The following CACNA1E variants were observed in gnomAD, a reference collection of about 807,000 sequenced individuals.
CACNA1E encodes the protein voltage-dependent R-type calcium channel subunit alpha-1E.
A neutral mutation model predicts 259.2 loss-of-function variants in CACNA1E; 40 were observed. The ratio of observed to expected loss-of-function variants is 0.15; its 90% CI spans 0.12 to 0.20. The LOEUF (loss-of-function observed/expected upper bound fraction) is 0.20, where lower values mean the gene tolerates loss of function less well. CACNA1E is among the 10% of genes least tolerant of loss of function. CACNA1E has a pLI of 1.00. For missense variants in CACNA1E, 1,874 were observed against 3,040.1 expected (o/e 0.62, Z 9.02); for synonymous variants, 1,104 against 1,138.5 (o/e 0.97, Z 0.61).
intron 1 of CACNA1E, among the ~76,000 whole-genome samples, chr1:181,349,535 C>A (rs1652868557): frequency 6.6e-6 from 1 of 152,202 alleles, no homozygotes; most frequent in Admixed American, 6.5e-5. Context: ...AGACCTTGAA[C>A]TGAAGCCCGA....
chr1:181,788,675 G>A (rs930781805), intron 43 of CACNA1E, among the ~76,000 whole-genome samples: 11 of 152,194 alleles, frequency 7.2e-5, no homozygotes, highest in Admixed American at 4.6e-4. Flanking sequence ...GGCTAGTGAC[G>A]TAGGGACCAG....
intron 3 of CACNA1E, among the ~76,000 whole-genome samples, chr1:181,550,962 T>G (rs1485398071): frequency 6.6e-6 from 1 of 152,090 alleles, no homozygotes; most frequent in Non-Finnish European, 1.5e-5. Flanking sequence ...TATTACATCC[T>G]TACGCTGTAT....
chr1:181,743,944 G>A (rs1489589330), intron 25 of CACNA1E, among the ~76,000 whole-genome samples: 2 of 152,216 alleles, frequency 1.3e-5, no homozygotes, highest in Non-Finnish European at 2.9e-5. Context: ...AGTTACACAG[G>A]CTCTCTGGCG....
In CACNA1E at chr1:181,428,181, C is replaced by T. The variant is rs559177439; in HGVS notation, c.434+14601C>T. Among the ~76,000 whole-genome samples, 74 of 152,330 alleles carry T rather than the reference C, an allele frequency of 4.9e-4. 1 individual carries two copies. Among genetic ancestry groups the T allele is most frequent in the African/African-American group, 1.5e-3 (61 of 41,568 alleles). ...CGGAGGACTGGCACTTCTCTCAACA[C>T]CCCTCCTCAGCATCTCAGCCTCAAA... is the stretch of plus-strand genomic sequence containing the variant. On this transcript the variant is annotated intron_variant, in intron 2 of 11. Coordinates refer to the CACNA1E transcript ENST00000524607.
At chr1:181,538,102 T>C (rs189159443) in intron 3 of CACNA1E, among the ~76,000 whole-genome samples, 1 of 152,336 alleles carries the variant, frequency 6.6e-6, no homozygotes, top group East Asian at 1.9e-4. Flanking sequence ...TTTTATGTAA[T>C]ATAAAAGCTG....
rs1043435904 is a variant in CACNA1E, at chr1:181,798,175, G to C, written c.6400-117G>C. 2 of 786,074 alleles carry C rather than the reference G, an allele frequency of 2.5e-6. No individual in the cohort carries two copies. Among genetic ancestry groups the C allele is most frequent in the Admixed American group, 2.3e-5 (1 of 42,774 alleles). The allele number at this position is 786,074 out of a possible 1,614,324, so 48.7% of individuals were successfully genotyped here. On this transcript the variant is annotated intron_variant, in intron 47 of 47. Coordinates refer to ENST00000367573, the MANE Select transcript of CACNA1E (RefSeq NM_001205293.3). This position sits in a 1 kb window ranked among gnomAD's most constrained non-coding sequence, Gnocchi z 4.2. ...TGAGTGGATGTGAATACTACAGGGA[G>C]CTCCAGCTCAGGCCTCTCCCTGACA...
chr1:181,418,466 C>A (rs1658451387), intron 2 of CACNA1E, among the ~76,000 whole-genome samples: 1 of 152,174 alleles, frequency 6.6e-6, no homozygotes, highest in Admixed American at 6.5e-5. Context: ...CTTGCCCAGT[C>A]CCAGACCTTT....
chr1:181,500,267 C>T (rs947058459), intron 1 of CACNA1E, among the ~76,000 whole-genome samples: 43 of 152,286 alleles, frequency 2.8e-4, no homozygotes, highest in African/African-American at 9.1e-4. Flanking sequence ...CAGCAGTCAC[C>T]GCCTTAACAT....
intron 1 of CACNA1E, among the ~76,000 whole-genome samples, chr1:181,491,594 C>T (rs977786146): frequency 2.6e-5 from 4 of 152,180 alleles, no homozygotes; most frequent in African/African-American, 9.7e-5. Context: ...AGCTAAAGCC[C>T]TGCTGCTAAC....
chr1:181,733,969 C>T (rs1655786833), intron 21 of CACNA1E, among the ~76,000 whole-genome samples: 7 of 152,230 alleles, frequency 4.6e-5, no homozygotes, highest in Admixed American at 4.6e-4. Context: ...AGGCTTGTTC[C>T]TGTGACCACC....
intron 2 of CACNA1E, among the ~76,000 whole-genome samples, chr1:181,428,191 G>A (rs1051436715): frequency 8.5e-5 from 13 of 152,164 alleles, no homozygotes; most frequent in Non-Finnish European, 5.9e-5. Context: ...CCCCTCCTCA[G>A]CATCTCAGCC....
At chr1:181,442,354 G>T (rs1224479878) in intron 2 of CACNA1E, among the ~76,000 whole-genome samples, 2 of 151,654 alleles carry the variant, frequency 1.3e-5, no homozygotes, top group Non-Finnish European at 2.9e-5. Context: ...CAGGTGTGAG[G>T]GACACAGGTG....
intron 1 of CACNA1E, among the ~76,000 whole-genome samples, chr1:181,398,229 T>C (rs543008022): frequency 1.4e-3 from 212 of 152,250 alleles, no homozygotes; most frequent in Admixed American, 2.5e-3. Context: ...CTCTGAAGAG[T>C]CTTGACGTGC....
At chr1:181,699,166 G>C (rs1287890649) in intron 7 of CACNA1E, among the ~76,000 whole-genome samples, 1 of 152,194 alleles carries the variant, frequency 6.6e-6, no homozygotes, top group Non-Finnish European at 1.5e-5. Flanking sequence ...ATGTACTTCT[G>C]AACGTTCTGA....
At chr1:181,740,520 G>C (rs1372750705) in intron 25 of CACNA1E, among the ~76,000 whole-genome samples, 1 of 151,810 alleles carries the variant, frequency 6.6e-6, no homozygotes, top group Admixed American at 6.6e-5. Context: ...CCTGGTGGGG[G>C]TGGGGATAGT....
chr1:181,359,290 G>C (rs1486828841), intron 1 of CACNA1E, among the ~76,000 whole-genome samples: 1 of 152,166 alleles, frequency 6.6e-6, no homozygotes, highest in Non-Finnish European at 1.5e-5. Flanking sequence ...GCATGCTAAG[G>C]GAACAGAGGG....
rs1655590859 is a variant in CACNA1E at position 181,732,535 on chromosome 1, C to T, written c.2449C>T (p.Leu817Phe). 6.4e-7 allele frequency: 1 copy of T among 1,551,048 alleles called. No individual in the cohort carries two copies. The highest frequency in any genetic ancestry group is 1.2e-5 in the South Asian group (1 of 83,964). Residue 817 changes from leucine (L) to phenylalanine (F), a missense_variant, in exon 20 of 48, where the codon CTC (leucine) becomes TTC (phenylalanine). Leu to Phe is a conservative substitution (Grantham distance 22). Around this residue, in one of 14 missense-constraint regions of CACNA1E, gnomAD observed 476 missense variants for 514.0 expected, o/e 0.93. Coordinates refer to ENST00000367573, the MANE Select transcript of CACNA1E (RefSeq NM_001205293.3). The surrounding 1 kb of genome is among the most constrained non-coding windows in gnomAD (Gnocchi z 5.5). Reference protein sequence around the residue: ...PLNPLNPLSSLNPLNAHPSLY... With the variant: ...PLNPLNPLSSFNPLNAHPSLY... ...CAACCCCCTCAACCCGCTCAGCTCC[C>T]TCAACCCGCTCAATGCCCACCCCAG... is the stretch of plus-strand genomic sequence containing the variant.
chr1:181,462,146 CTTA>C (rs1401427376), intron 2 of CACNA1E, among the ~76,000 whole-genome samples: 2 of 152,108 alleles, frequency 1.3e-5, no homozygotes, highest in Non-Finnish European at 2.9e-5. Context: ...TAACAAGTTC[CTTA>C]TTGTTTTTCA....
intron 6 of CACNA1E, among the ~76,000 whole-genome samples, chr1:181,602,342 T>A (rs1436820706): frequency 6.6e-6 from 1 of 152,122 alleles, no homozygotes; most frequent in Non-Finnish European, 1.5e-5. Context: ...GGACAAGAAG[T>A]GTTTCAGATT....
Sources: gnomAD v4.1 joint callset for allele counts (sites outside exome capture counted in the v4.1 genomes callset) on GRCh38, gnomAD v4.1.1 for gene constraint, gnomAD v4.1.1 regional missense constraint, Gnocchi (gnomAD v3.1) non-coding constraint, MANE v1.5 for transcripts, NCBI Gene and HGNC (gene_info 2026-07-23, HGNC 2026-07-21) for gene names.